Variants in ACBD6 observed in about 807,000 individuals in gnomAD.
ACBD6 encodes acyl-CoA-binding domain-containing protein 6.
In ACBD6, 28 loss-of-function variants were observed where a neutral mutation model predicts 37.2. That is an observed-to-expected ratio of 0.75 (90% CI 0.56 to 1.03). The LOEUF is 1.03. ACBD6 is among the 50% of genes least tolerant of loss of function. ACBD6 has a pLI of 0.00. For missense variants in ACBD6, 340 were observed against 337.4 expected (o/e 1.01, Z -0.06); for synonymous variants, 113 against 126.8 (o/e 0.89, Z 0.73).
intron 6 of ACBD6, among the ~76,000 whole-genome samples, chr1:180,361,038 T>C (rs1400586082): frequency 1.3e-5 from 2 of 152,156 alleles, no homozygotes; most frequent in African/African-American, 2.4e-5. Flanking sequence ...AGTGTCTTGA[T>C]GGAATCAAGG....
intron 4 of ACBD6, among the ~76,000 whole-genome samples, chr1:180,417,681 A>T (rs904761429): frequency 5.3e-5 from 8 of 152,108 alleles, no homozygotes; most frequent in African/African-American, 1.9e-4. Context: ...TCTGTTTCTA[A>T]GGGTCTGCTT....
chr1:180,454,365 A>G (rs1649833559), intron 3 of ACBD6, among the ~76,000 whole-genome samples: 1 of 152,218 alleles, frequency 6.6e-6, no homozygotes, highest in Non-Finnish European at 1.5e-5. Context: ...ACCTTATACA[A>G]AAATTAACTC....
intron 4 of ACBD6, among the ~76,000 whole-genome samples, chr1:180,419,888 T>C (rs1400461166): frequency 6.6e-6 from 1 of 152,204 alleles, no homozygotes; most frequent in Non-Finnish European, 1.5e-5. Context: ...ACACTCAGTG[T>C]AGCTTTGTGA....
rs59690169 is a variant in ACBD6 at position 180,502,499 on chromosome 1, T to TCCTCCGGCTTC, written c.-244_-234dup. On this transcript the variant is annotated 5_prime_UTR_variant, in exon 1 of 8. Transcript: ENST00000367595. Reference sequence around the variant, plus strand: ...GCCGCTCTGCCCAGTCGACCCGGTCTCCTCCGGCTTCCCTCCGGCCAACAG... The same window carrying TCCTCCGGCTTC: ...GCCGCTCTGCCCAGTCGACCCGGTCTCCTCCGGCTTCCCTCCGGCTTCCCTCCGGCCAACAG... 2.4e-3 allele frequency: 1,330 copies of TCCTCCGGCTTC among 565,758 alleles called. 20 individuals are homozygous for TCCTCCGGCTTC. The highest frequency in any genetic ancestry group is 0.023 in the African/African-American group (1,204 of 53,398). 35.0% of individuals were successfully genotyped at this position (565,758 alleles called of 1,614,324 possible). A position where few individuals can be genotyped will look rare whatever the true frequency, so the allele number is the denominator to read the frequency against.
At chr1:180,314,017 A>T (rs919997450) in intron 7 of ACBD6, among the ~76,000 whole-genome samples, 6 of 152,216 alleles carry the variant, frequency 3.9e-5, no homozygotes, top group African/African-American at 1.4e-4. Flanking sequence ...TAAAAAATCA[A>T]ATTTCTTTTT....
At chr1:180,446,232 T>G (rs1441790752) in intron 3 of ACBD6, among the ~76,000 whole-genome samples, 2 of 151,506 alleles carry the variant, frequency 1.3e-5, no homozygotes, top group Non-Finnish European at 2.9e-5. Context: ...ATGCTGGTCT[T>G]TAACTCCTGG....
At chr1:180,463,609 C>T (rs1258370329) in intron 3 of ACBD6, among the ~76,000 whole-genome samples, 1 of 152,080 alleles carries the variant, frequency 6.6e-6, no homozygotes, top group South Asian at 2.1e-4. Flanking sequence ...AGATTCACAG[C>T]TGAATTCTAT....
intron 6 of ACBD6, among the ~76,000 whole-genome samples, chr1:180,396,445 G>A (rs1054754151): frequency 2.6e-5 from 4 of 152,000 alleles, no homozygotes; most frequent in Non-Finnish European, 4.4e-5. Context: ...GAAAACAAAT[G>A]ATAGAGTTCA....
intron 6 of ACBD6, among the ~76,000 whole-genome samples, chr1:180,316,142 A>G (rs1205008801): frequency 6.6e-6 from 1 of 152,088 alleles, no homozygotes; most frequent in Non-Finnish European, 1.5e-5. Flanking sequence ...AGCTATAGTG[A>G]ATAGTATCTG....
intron 8 of ACBD6, among the ~76,000 whole-genome samples, chr1:180,282,176 A>G (rs1424759746): frequency 6.6e-6 from 1 of 152,226 alleles, no homozygotes; most frequent in Non-Finnish European, 1.5e-5. Context: ...GTCAGAACTT[A>G]CAAGGCTCAT....
At chr1:180,288,902 A>G (rs1649589087) in intron 7 of ACBD6, among the ~76,000 whole-genome samples, 1 of 152,272 alleles carries the variant, frequency 6.6e-6, no homozygotes, top group East Asian at 1.9e-4. Context: ...AAAGGCTAAA[A>G]ATACTGTAAA....
rs775814826 is a variant in ACBD6 at position 180,492,297 on chromosome 1, T to C, written c.356A>G (p.Lys119Arg). The change falls in exon 3 of 8, where the codon AAA (lysine) becomes AGA (arginine). Residue 119 changes from lysine (K) to arginine (R), a missense_variant. Coordinates refer to ENST00000367595, the MANE Select transcript of ACBD6 (RefSeq NM_032360.4). ...QAMQEYIAVV[K>R]KLDPGWNPQI... ...AGGATTCCAACCTGGATCTAGTTTT[T>C]TAACTACTGCGATATATTCCTGCAT... 7.4e-6 allele frequency: 12 copies of C among 1,614,006 alleles called. No homozygotes were observed. The African/African-American group carries it at 1.2e-4, about 16-fold the overall frequency.
intron 6 of ACBD6, among the ~76,000 whole-genome samples, chr1:180,344,281 A>G (rs564458793): frequency 6.6e-6 from 1 of 152,332 alleles, no homozygotes; most frequent in Non-Finnish European, 1.5e-5. Context: ...ACTTGTAGAC[A>G]TTTTAGACCA....
downstream of ACBD6, among the ~76,000 whole-genome samples, chr1:180,283,995 G>A (rs765761347): frequency 9.2e-5 from 14 of 152,116 alleles, no homozygotes; most frequent in Non-Finnish European, 1.5e-4. Flanking sequence ...GAAATAAGCC[G>A]TGAATTCCCA....
chr1:180,422,199 C>T (rs905001733), intron 4 of ACBD6, among the ~76,000 whole-genome samples: 11 of 151,418 alleles, frequency 7.3e-5, no homozygotes, highest in Middle Eastern at 3.4e-3. Context: ...CATGAATTCC[C>T]TTTTCTTTTT....
At chr1:180,364,848 C>T (rs1426088608) in intron 6 of ACBD6, among the ~76,000 whole-genome samples, 1 of 151,774 alleles carries the variant, frequency 6.6e-6, no homozygotes, top group Non-Finnish European at 1.5e-5. Context: ...ATTCTCCTGC[C>T]TCAGCCTCCC....
intron 3 of ACBD6, among the ~76,000 whole-genome samples, chr1:180,485,352 C>T (rs937982644): frequency 6.6e-6 from 1 of 152,182 alleles, no homozygotes; most frequent in African/African-American, 2.4e-5. Context: ...TCCCAAGTAC[C>T]TGTCAATGAG....
chr1:180,402,802 GAA>G (rs60336213), intron 5 of ACBD6, among the ~76,000 whole-genome samples: 3 of 140,538 alleles, frequency 2.1e-5, no homozygotes, highest in Admixed American at 2.1e-4. Flanking sequence ...TGTCTCAAAA[GAA>G]AAAAAAAAAA....
intron 3 of ACBD6, among the ~76,000 whole-genome samples, chr1:180,452,168 C>T (rs1019444794): frequency 6.6e-6 from 1 of 152,130 alleles, no homozygotes; most frequent in African/African-American, 2.4e-5. Context: ...CTAAAATCGA[C>T]ACCCTAACAT....
Sources: gnomAD v4.1 joint callset for allele counts (sites outside exome capture counted in the v4.1 genomes callset) on GRCh38, gnomAD v4.1.1 for gene constraint, MANE v1.5 for transcripts, NCBI Gene and HGNC (gene_info 2026-07-23, HGNC 2026-07-21) for gene names.